PCYT1A: variants seen among roughly 807,000 people sequenced by gnomAD.
PCYT1A encodes phosphate cytidylyltransferase 1A, choline.
A neutral mutation model predicts 43.7 loss-of-function variants in PCYT1A; 25 were observed. That is an observed-to-expected ratio of 0.57 (90% CI 0.42 to 0.80). The LOEUF (loss-of-function observed/expected upper bound fraction) is 0.80, where lower values mean the gene tolerates loss of function less well. Among genes scored for constraint, PCYT1A ranks in the 30% least tolerant of loss-of-function variants. The pLI is 0.00. For synonymous variants in PCYT1A, 172 were observed against 170.7 expected, an observed-to-expected ratio of 1.01 and a Z score of -0.06; for missense variants, 421 against 474.2, an observed-to-expected ratio of 0.89 and a Z score of 1.04.
intron 2 of PCYT1A, 130 bp downstream of exon 2, chr3:196,270,285 C>G: frequency 1.4e-6 from 1 of 711,462 alleles, no homozygotes; most frequent in South Asian, 1.7e-5. Flanking sequence ...AAAAAGGCAG[C>G]AGATTTCCAG....
In PCYT1A at chr3:196,237,857, A is replaced by G. The variant is rs1724214540; in HGVS notation, c.*831T>C. On this transcript the variant is annotated 3_prime_UTR_variant, in exon 9 of 9. Transcript: ENST00000431016. ...TGAGTATTGTCCCGCTCCTCTCCTC[A>G]TCATTGTAACTCTAAAAGTGTTCCT... is the stretch of plus-strand genomic sequence containing the variant. The G allele has an allele frequency of 6.6e-6, 1 of 152,218 alleles. No individual in the cohort carries two copies. Among genetic ancestry groups the G allele is most frequent in the African/African-American group, 2.4e-5 (1 of 41,456 alleles). 9.4% of individuals were successfully genotyped at this position (152,218 alleles called of 1,614,324 possible).
chr3:196,285,436 G>A (rs558406391), intron 1 of PCYT1A, among the ~76,000 whole-genome samples: 54 of 152,016 alleles, frequency 3.6e-4, no homozygotes, highest in African/African-American at 1.3e-3. Flanking sequence ...TCCAGCCTGG[G>A]CAACAGAGTG....
rs191786333 is a variant in PCYT1A, at chr3:196,242,162, T to C, written c.566-72A>G. ...CTCAGGTATTAAGACTAAATGGAAA[T>C]TGGGGGCAACATTCCTTTCCTTTCC... is the stretch of plus-strand genomic sequence containing the variant. On this transcript the variant is annotated intron_variant, in intron 6 of 8. Coordinates refer to ENST00000431016, the MANE Select transcript of PCYT1A (RefSeq NM_001312673.2). This position sits in a 1 kb window ranked among gnomAD's most constrained non-coding sequence, Gnocchi z 4.2. 570 of 1,465,648 alleles carry C rather than the reference T, an allele frequency of 3.9e-4. No homozygotes were observed. In the East Asian group the frequency reaches 9.2e-3, roughly 24 times the overall value. 90.8% of individuals were successfully genotyped at this position (1,465,648 alleles called of 1,614,324 possible).
intron 1 of PCYT1A, among the ~76,000 whole-genome samples, chr3:196,274,934 G>A (rs562878112): frequency 1.1e-3 from 167 of 152,254 alleles, no homozygotes; most frequent in African/African-American, 3.9e-3. Context: ...AGTTCTTTCA[G>A]TGATGATGAT....
At chr3:196,254,439 C>T (rs1724895754) in intron 3 of PCYT1A, among the ~76,000 whole-genome samples, 1 of 152,036 alleles carries the variant, frequency 6.6e-6, no homozygotes, top group Non-Finnish European at 1.5e-5. Flanking sequence ...TGGTCTAGAC[C>T]TCCTGGGCTC....
At position 196,239,614 on chromosome 3, in the gene PCYT1A, T is replaced by C. The variant is rs377634842; in HGVS notation, c.830A>G (p.Lys277Arg). ...GAATTCTCGGGACTTCTCCTCCCAC[T>C]TCTGAATGAGGTCAATGCTTTTTTC... The part of the protein sequence containing the change: ...VEEKSIDLIQ[K>R]WEEKSREFIG... The change falls in exon 8 of 9, where the codon AAG (lysine) becomes AGG (arginine). Residue 277 changes from lysine to arginine, a missense_variant. Physicochemically the swap from Lys to Arg is conservative, Grantham distance 26. Transcript: ENST00000431016. 1.1e-5 allele frequency: 17 copies of C among 1,612,988 alleles called. No homozygotes were observed. In the African/African-American group the frequency reaches 2.3e-4, roughly 22 times the overall value.
Position 196,282,429 on chromosome 3 carries a change from T to C in PCYT1A, c.-11+5186A>G, listed in dbSNP as rs761215327. Among the ~76,000 whole-genome samples, 4 of 152,234 alleles carry C rather than the reference T, an allele frequency of 2.6e-5. No individual in the cohort carries two copies. The highest frequency in any genetic ancestry group is 2.0e-4 in the Admixed American group (3 of 15,278). On this transcript the variant is annotated intron_variant, in intron 1 of 8. Transcript: ENST00000431016. This position sits in a 1 kb window ranked among gnomAD's most constrained non-coding sequence, Gnocchi z 4.3. ...CATATCTCTGAGGCAGGGTCTATGA[T>C]AGAATTCAGGAAGTCTGTGAATTTG...
chr3:196,284,889 T>C (rs191862553), intron 1 of PCYT1A, among the ~76,000 whole-genome samples: 46 of 152,330 alleles, frequency 3.0e-4, no homozygotes, highest in African/African-American at 1.0e-3. Context: ...AAGAAACCCC[T>C]GGGTAGTTCC....
rs1322450556 is a variant in PCYT1A, at chr3:196,236,404, T to TGAGACTC, written c.*2283_*2284insGAGTCTC. 6.6e-6 allele frequency: 1 copy of TGAGACTC among 152,236 alleles called. No individual in the cohort carries two copies. The highest frequency in any genetic ancestry group is 1.5e-5 in the Non-Finnish European group (1 of 68,062). The allele number at this position is 152,236 out of a possible 1,614,324, so 9.4% of individuals were successfully genotyped here. ...AGGCTGACGCAGAAAAGTTCAAAGA[T>TGAGACTC]GAGACTATGTAACACTGGGTAACAC... On this transcript the variant is annotated 3_prime_UTR_variant, in exon 9 of 9. Transcript: ENST00000431016.
In PCYT1A at chr3:196,247,239, C is replaced by T; in HGVS notation, c.486+128G>A. On this transcript the variant is annotated intron_variant, in intron 5 of 8. Transcript: ENST00000431016. The surrounding 1 kb of genome is among the most constrained non-coding windows in gnomAD (Gnocchi z 4.8). ...TTATCACTAGTAATATCACTGTCAT[C>T]TCCTACGAAACTTACATAAGAGGTA... The T allele has an allele frequency of 3.2e-6, 3 of 937,216 alleles. No individual in the cohort carries two copies. The highest frequency in any genetic ancestry group is 5.1e-6 in the Non-Finnish European group (3 of 592,696). The allele number at this position is 937,216 out of a possible 1,614,324, so 58.1% of individuals were successfully genotyped here.
At chr3:196,240,937 C>T (rs1313486113) in intron 7 of PCYT1A, 2 of 151,996 alleles carry the variant, frequency 1.3e-5, no homozygotes, top group Non-Finnish European at 2.9e-5. Flanking sequence ...ATGTAGAAGA[C>T]ATTAAAGTTA....
chr3:196,262,833 C>T (rs1725155532), intron 2 of PCYT1A, among the ~76,000 whole-genome samples: 2 of 142,764 alleles, frequency 1.4e-5, no homozygotes, highest in African/African-American at 2.6e-5. Flanking sequence ...CTCACCCTGT[C>T]GCCCAGGCTA....
chr3:196,287,699 G>C lies in PCYT1A; in HGVS notation c.-95C>G, dbSNP rs912362212. 6.6e-6 allele frequency: 1 copy of C among 152,238 alleles called. No homozygotes were observed. The highest frequency in any genetic ancestry group is 2.4e-5 in the African/African-American group (1 of 41,438). 9.4% of individuals were successfully genotyped at this position (152,238 alleles called of 1,614,324 possible). A position where few individuals can be genotyped will look rare whatever the true frequency, so the allele number is the denominator to read the frequency against. ...TGACTAGGGAAGTTGAGGAGGTTGC[G>C]GGGAGACGCCCGGGGAAGGCAGCTG... On this transcript the variant is annotated 5_prime_UTR_variant, in exon 1 of 9. Coordinates refer to ENST00000431016, the MANE Select transcript of PCYT1A (RefSeq NM_001312673.2).
intron 1 of PCYT1A, among the ~76,000 whole-genome samples, chr3:196,284,946 A>C (rs938507501): frequency 6.6e-6 from 1 of 152,208 alleles, no homozygotes; most frequent in Non-Finnish European, 1.5e-5. Context: ...AATGTGCTAG[A>C]AAAAGGTGTA....
intron 2 of PCYT1A, 84 bp from the exon 3 acceptor site, chr3:196,257,971 G>C: frequency 2.6e-6 from 2 of 770,942 alleles, no homozygotes; most frequent in East Asian, 2.6e-5. Flanking sequence ...ATGAGAGAAA[G>C]GAGATTGATC....
At chr3:196,260,113 G>A (rs1196422345) in intron 2 of PCYT1A, among the ~76,000 whole-genome samples, 1 of 151,384 alleles carries the variant, frequency 6.6e-6, no homozygotes, top group Admixed American at 6.6e-5. Context: ...AGTAGAGACA[G>A]GGTTTCACCA....
intron 1 of PCYT1A, among the ~76,000 whole-genome samples, chr3:196,275,254 C>T (rs1481055921): frequency 6.6e-6 from 1 of 152,130 alleles, no homozygotes; most frequent in Non-Finnish European, 1.5e-5. Flanking sequence ...CAAACTGAAC[C>T]TGGAGGACAT....
intron 3 of PCYT1A, among the ~76,000 whole-genome samples, chr3:196,257,085 T>C (rs914172524): frequency 6.6e-6 from 1 of 152,204 alleles, no homozygotes; most frequent in South Asian, 2.1e-4. Context: ...TTGGGGAATT[T>C]ACAGAGAAGA....
intron 5 of PCYT1A, among the ~76,000 whole-genome samples, chr3:196,245,138 C>T (rs73084688): frequency 0.12 from 18,551 of 149,976 alleles, 1,251 homozygotes; most frequent in South Asian, 0.26. Context: ...TCTATCATTT[C>T]ACTACTTTTT....
Sources: allele counts gnomAD v4.1 joint callset (sites outside exome capture counted in the v4.1 genomes callset), GRCh38; gene constraint gnomAD v4.1.1; non-coding constraint Gnocchi (gnomAD v3.1); transcripts MANE v1.5; gene names NCBI Gene and HGNC (gene_info 2026-07-23, HGNC 2026-07-21).